The following MEMO1 variants were observed in gnomAD, a reference collection of about 807,000 sequenced individuals.
The protein encoded by MEMO1 is mediator of cell motility 1.
A neutral mutation model predicts 45.2 loss-of-function variants in MEMO1; 6 were observed. That is an observed-to-expected ratio of 0.13 (90% CI 0.07 to 0.26). MEMO1 has a LOEUF of 0.26. MEMO1 is among the 10% of genes least tolerant of loss of function. The pLI is 1.00. For synonymous variants in MEMO1, 78 were observed against 124.3 expected (o/e 0.63, Z 2.48); for missense variants, 184 against 370.5 (o/e 0.50, Z 4.13).
intron 4 of MEMO1, among the ~76,000 whole-genome samples, chr2:31,931,259 G>A (rs1335006645): frequency 1.3e-5 from 2 of 151,936 alleles, no homozygotes; most frequent in Admixed American, 6.6e-5. Flanking sequence ...CAAGTGGTCT[G>A]TGCATGATTT....
At chr2:31,968,716 T>G (rs1196022781) in intron 2 of MEMO1, among the ~76,000 whole-genome samples, 1 of 152,166 alleles carries the variant, frequency 6.6e-6, no homozygotes, top group Non-Finnish European at 1.5e-5. Context: ...ACATATAAAT[T>G]AAGTGTTCCG....
intron 6 of MEMO1, among the ~76,000 whole-genome samples, chr2:31,908,195 A>T (rs373771583): frequency 6.6e-6 from 1 of 152,136 alleles, no homozygotes; most frequent in South Asian, 2.1e-4. Context: ...TTTCCTAAAC[A>T]TTCTTGACCC....
intron 8 of MEMO1, among the ~76,000 whole-genome samples, chr2:31,879,338 C>G (rs1157525888): frequency 6.6e-6 from 1 of 152,130 alleles, no homozygotes; most frequent in Non-Finnish European, 1.5e-5. Context: ...TCTACTGGCT[C>G]TGCTTTATCT....
At chr2:31,923,128 C>T (rs1682568325) in intron 4 of MEMO1, among the ~76,000 whole-genome samples, 1 of 152,120 alleles carries the variant, frequency 6.6e-6, no homozygotes, top group African/African-American at 2.4e-5. Context: ...ACAACCTTGC[C>T]AGCATCTGTT....
intron 8 of MEMO1, among the ~76,000 whole-genome samples, chr2:31,876,150 T>C (rs900767614): frequency 6.6e-6 from 1 of 152,218 alleles, no homozygotes. Context: ...GCCTCTTTTA[T>C]ACACACCACT....
intron 8 of MEMO1, among the ~76,000 whole-genome samples, chr2:31,882,703 T>A (rs1675590723): frequency 6.6e-6 from 1 of 152,168 alleles, no homozygotes; most frequent in Admixed American, 6.5e-5. Flanking sequence ...ATTTTGTGTA[T>A]ATTGGAATTC....
intron 3 of MEMO1, among the ~76,000 whole-genome samples, chr2:31,932,407 C>T (rs1246862720): frequency 2.7e-5 from 4 of 150,926 alleles, no homozygotes; most frequent in African/African-American, 4.9e-5. Flanking sequence ...CTTGAAGTTG[C>T]TATGTAACAC....
intron 6 of MEMO1, among the ~76,000 whole-genome samples, chr2:31,905,248 A>G (rs1679495440): frequency 1.3e-5 from 2 of 152,146 alleles, no homozygotes; most frequent in African/African-American, 4.8e-5. Context: ...AAAGAAACAA[A>G]AAAAGATCCA....
intron 3 of MEMO1, among the ~76,000 whole-genome samples, chr2:31,932,500 G>A (rs1664310063): frequency 6.6e-6 from 1 of 151,498 alleles, no homozygotes; most frequent in Non-Finnish European, 1.5e-5. Flanking sequence ...ATACAGTGGT[G>A]CAATCATGGC....
rs141204713 is a variant in MEMO1 at position 31,870,257 on chromosome 2, AATATT to A, written c.658-310_658-306del. On this transcript the variant is annotated intron_variant, in intron 8 of 9. Transcript: ENST00000404530. ...AGCTCACAATCCTCAAACATTTCAT[AATATT>A]ATATCTTTCTTCCATAGAAAGAATA... Among the ~76,000 whole-genome samples, 921 of 152,208 alleles carry A rather than the reference AATATT, an allele frequency of 6.1e-3. 12 individuals are homozygous for A. Among genetic ancestry groups the A allele is most frequent in the African/African-American group, 0.021 (863 of 41,554 alleles).
At chr2:31,946,379 A>G (rs940726625) in intron 2 of MEMO1, among the ~76,000 whole-genome samples, 5 of 152,212 alleles carry the variant, frequency 3.3e-5, no homozygotes, top group African/African-American at 9.6e-5. Context: ...GTAAATTCCC[A>G]AAGTACAAAA....
chr2:31,883,887 G>C (rs1343892313), intron 7 of MEMO1, among the ~76,000 whole-genome samples: 1 of 149,780 alleles, frequency 6.7e-6, no homozygotes, highest in Non-Finnish European at 1.5e-5. Context: ...ACAAAGTTTT[G>C]ATCTCTATTA....
chr2:31,916,168 G>T (rs986924813), intron 6 of MEMO1, among the ~76,000 whole-genome samples: 4 of 152,114 alleles, frequency 2.6e-5, no homozygotes, highest in Non-Finnish European at 4.4e-5. Context: ...CAATAAAAAT[G>T]TTATTTTGTT....
intron 6 of MEMO1, among the ~76,000 whole-genome samples, chr2:31,910,738 T>C (rs187777869): frequency 7.2e-5 from 11 of 152,168 alleles, no homozygotes; most frequent in Non-Finnish European, 1.5e-4. Flanking sequence ...TGCATGTCTG[T>C]AGTCCCAGCT....
chr2:31,945,462 T>C (rs1286484871), intron 2 of MEMO1, among the ~76,000 whole-genome samples: 1 of 152,214 alleles, frequency 6.6e-6, no homozygotes, highest in Non-Finnish European at 1.5e-5. Context: ...GATCAACTTA[T>C]CCATCAGTAT....
chr2:31,993,860 A>C (rs1251084475), intron 2 of MEMO1, among the ~76,000 whole-genome samples: 2 of 151,936 alleles, frequency 1.3e-5, no homozygotes, highest in African/African-American at 4.8e-5. Flanking sequence ...ATCCTAAAAA[A>C]TTGTAAAACA....
At chr2:31,881,585 A>G (rs1675381287) in intron 8 of MEMO1, among the ~76,000 whole-genome samples, 1 of 152,038 alleles carries the variant, frequency 6.6e-6, no homozygotes, top group Admixed American at 6.6e-5. Flanking sequence ...AGAATTTGTA[A>G]AAAGAGCAAA....
chr2:31,892,169 A>G, intron 6 of MEMO1, 35 bp from the exon 7 acceptor site: 2 of 1,549,046 alleles, frequency 1.3e-6, no homozygotes, highest in Non-Finnish European at 8.7e-7. Flanking sequence ...AATGTCATTT[A>G]AGATGCTTAA....
intron 2 of MEMO1, among the ~76,000 whole-genome samples, chr2:31,975,485 G>C (rs1669902979): frequency 6.6e-6 from 1 of 152,058 alleles, no homozygotes; most frequent in East Asian, 1.9e-4. Context: ...CTATCTCCTA[G>C]ACACATGGGA....
Sources: allele counts gnomAD v4.1 joint callset (sites outside exome capture counted in the v4.1 genomes callset), GRCh38; gene constraint gnomAD v4.1.1; transcripts MANE v1.5; gene names NCBI Gene and HGNC (gene_info 2026-07-23, HGNC 2026-07-21).